DLGAP3: variants seen among roughly 807,000 people sequenced by gnomAD.
DLGAP3 encodes DLG associated protein 3.
A neutral mutation model predicts 81.2 loss-of-function variants in DLGAP3; 17 were observed. That is an observed-to-expected ratio of 0.21 (90% confidence interval 0.14 to 0.31). The LOEUF (loss-of-function observed/expected upper bound fraction) is 0.31, where lower values mean the gene tolerates loss of function less well. Among genes scored for constraint, DLGAP3 ranks in the 10% least tolerant of loss-of-function variants. The pLI, the probability that DLGAP3 is intolerant of heterozygous loss-of-function variation, is 1.00. For missense variants in DLGAP3, 1,124 were observed against 1,388.0 expected, an observed-to-expected ratio of 0.81 and a Z score of 3.02; for synonymous variants, 577 against 587.4, an observed-to-expected ratio of 0.98 and a Z score of 0.26.
rs1638894040 is a variant in DLGAP3 at position 34,867,018 on chromosome 1, C to T, written c.2721+30G>A. On this transcript the variant is annotated intron_variant, in intron 11 of 11. Transcript: ENST00000373347. The surrounding 1 kb of genome is among the most constrained non-coding windows in gnomAD (Gnocchi z 4.3). ...GGGAGGGGAATTTCCCAGAGTCTGG[C>T]CTCTTTGCCTGAAGGCACCCCAGCC... is the stretch of plus-strand genomic sequence containing the variant. 6.2e-7 allele frequency: 1 copy of T among 1,613,688 alleles called. No individual in the cohort carries two copies. The highest frequency in any genetic ancestry group is 1.3e-5 in the African/African-American group (1 of 74,926).
At chr1:34,889,532 C>T (rs1639283026) in intron 5 of DLGAP3, among the ~76,000 whole-genome samples, 1 of 152,222 alleles carries the variant, frequency 6.6e-6, no homozygotes, top group Admixed American at 6.5e-5. Flanking sequence ...CTTAGCCTTT[C>T]TCCAAACCAG....
intron 8 of DLGAP3, among the ~76,000 whole-genome samples, chr1:34,871,811 C>T (rs1010533775): frequency 3.6e-4 from 55 of 152,228 alleles, no homozygotes; most frequent in Non-Finnish European, 5.3e-4. Context: ...GCCATACTGC[C>T]GGGAACAGAA....
At chr1:34,924,970 A>G (rs1377029898) in intron 1 of DLGAP3, among the ~76,000 whole-genome samples, 1 of 152,134 alleles carries the variant, frequency 6.6e-6, no homozygotes, top group Non-Finnish European at 1.5e-5. Context: ...ACGAAGCCTC[A>G]TTCAGCACTC....
In DLGAP3 at chr1:34,867,031, A is replaced by C. The variant is rs775238658; in HGVS notation, c.2721+17T>G. ...CCCAGAGTCTGGCCTCTTTGCCTGA[A>C]GGCACCCCAGCCCCACCTTAGGCTC... On this transcript the variant is annotated intron_variant, in intron 11 of 11. Coordinates refer to ENST00000373347, the MANE Select transcript of DLGAP3 (RefSeq NM_001080418.3). The surrounding 1 kb of genome is among the most constrained non-coding windows in gnomAD (Gnocchi z 4.3). 8.1e-6 allele frequency: 13 copies of C among 1,613,958 alleles called. No homozygotes were observed. In the South Asian group the frequency reaches 1.3e-4, roughly 16 times the overall value.
chr1:34,901,689 G>T (rs4652867), intron 3 of DLGAP3, among the ~76,000 whole-genome samples: 38,233 of 152,108 alleles, frequency 0.25, 6,180 homozygotes, highest in East Asian at 0.78. Context: ...TGAAGATAGC[G>T]CTCAAGAGAT....
At position 34,904,360 on chromosome 1, in the gene DLGAP3, C is replaced by G; in HGVS notation, c.1024G>C (p.Asp342His). 1.2e-6 allele frequency: 2 copies of G among 1,613,124 alleles called. No homozygotes were observed. Among genetic ancestry groups the G allele is most frequent in the South Asian group, 1.1e-5 (1 of 91,084 alleles). ...CCTGGCCCGGCCCCCGGGTATCCATCCCGGCCCTGGCTGACCATCATGGTA... is the reference window on the plus strand; with the variant it reads ...CCTGGCCCGGCCCCCGGGTATCCATGCCGGCCCTGGCTGACCATCATGGTA... The part of the protein sequence containing the change: ...WHTMMVSQGR[D>H]GYPGAGPGKG... Residue 342 changes from aspartate (D) to histidine (H), a missense_variant, in exon 3 of 12, where the codon GAT (aspartate) becomes CAT (histidine). Coordinates refer to ENST00000373347, the MANE Select transcript of DLGAP3 (RefSeq NM_001080418.3). This position sits in a 1 kb window ranked among gnomAD's most constrained non-coding sequence, Gnocchi z 8.1.
chr1:34,884,732 G>A lies in DLGAP3; in HGVS notation c.2000+246C>T, dbSNP rs1639192330. 1.3e-5 allele frequency among the ~76,000 whole-genome samples: 2 copies of A among 152,162 alleles called. 1 individual carries two copies. The highest frequency in any genetic ancestry group is 4.1e-4 in the South Asian group (2 of 4,828). ...TCCTCTCCTTCCCTGCAACTGCTGT[G>A]TATCTCCCGTCTGCCTCTGAGCACC... On this transcript the variant is annotated intron_variant, in intron 8 of 11. Transcript: ENST00000373347.
intron 5 of DLGAP3, among the ~76,000 whole-genome samples, chr1:34,886,788 A>T (rs971088149): frequency 1.3e-5 from 2 of 150,994 alleles, no homozygotes; most frequent in Admixed American, 1.3e-4. Context: ...CACTACATAC[A>T]TGTACTATAT....
At chr1:34,887,398 C>T (rs1164435636) in intron 5 of DLGAP3, among the ~76,000 whole-genome samples, 3 of 144,564 alleles carry the variant, frequency 2.1e-5, no homozygotes, top group Admixed American at 7.1e-5. Flanking sequence ...GGTGCAGAAT[C>T]CATGGTGTTA....
In DLGAP3 at chr1:34,904,832, G is replaced by A; in HGVS notation, c.552C>T (p.Ser184=). 2 of 1,610,136 alleles carry A rather than the reference G, an allele frequency of 1.2e-6. No individual in the cohort carries two copies. The change falls in exon 3 of 12, where the codon TCC becomes TCT. Residue 184 remains serine, a synonymous_variant. Transcript: ENST00000373347. The surrounding 1 kb of genome is among the most constrained non-coding windows in gnomAD (Gnocchi z 8.1). ...GCTTCCCCGGCGCCTCCAGAGAGTG[G>A]GACTTGGCAAAGAGCTTCTGCACAG... ...VHSVQKLFAK[S]HSLEAPGKRD...
At chr1:34,879,772 G>A (rs1639118717) in intron 8 of DLGAP3, among the ~76,000 whole-genome samples, 1 of 152,126 alleles carries the variant, frequency 6.6e-6, no homozygotes, top group Admixed American at 6.5e-5. Flanking sequence ...TATTCAATAT[G>A]TACAATAAAA....
At chr1:34,910,035 G>A (rs1639615929) in intron 1 of DLGAP3, among the ~76,000 whole-genome samples, 2 of 152,174 alleles carry the variant, frequency 1.3e-5, no homozygotes, top group Admixed American at 1.3e-4. Context: ...CAAAGGGGTA[G>A]GAATTGCTAG....
At position 34,904,350 on chromosome 1, in the gene DLGAP3, G is replaced by T. The variant is rs146411302; in HGVS notation, c.1034C>A (p.Pro345Gln). ...GAGCCCCTTGCCTGGCCCGGCCCCC[G>T]GGTATCCATCCCGGCCCTGGCTGAC... Reference protein sequence around the residue: ...MMVSQGRDGYPGAGPGKGLLG... With the variant: ...MMVSQGRDGYQGAGPGKGLLG... The change falls in exon 3 of 12, where the codon CCG becomes CAG. Residue 345 changes from proline to glutamine, a missense_variant. Pro to Gln is a moderately conservative substitution (Grantham distance 76). Transcript: ENST00000373347. This position sits in a 1 kb window ranked among gnomAD's most constrained non-coding sequence, Gnocchi z 8.1. The T allele has an allele frequency of 6.2e-7, 1 of 1,612,688 alleles. No homozygotes were observed. Among genetic ancestry groups the T allele is most frequent in the Non-Finnish European group, 8.5e-7 (1 of 1,180,018 alleles).
At chr1:34,879,106 CG>C (rs986276716) in intron 8 of DLGAP3, among the ~76,000 whole-genome samples, 5 of 150,440 alleles carry the variant, frequency 3.3e-5, no homozygotes, top group Admixed American at 1.3e-4. Flanking sequence ...CCAGAAGCTG[CG>C]GGGGGGCATA....
intron 1 of DLGAP3, among the ~76,000 whole-genome samples, chr1:34,908,680 C>T (rs1639594788): frequency 6.6e-6 from 1 of 152,180 alleles, no homozygotes; most frequent in Non-Finnish European, 1.5e-5. Flanking sequence ...GGAAGAACTT[C>T]CTGACCCTGA....
intron 2 of DLGAP3, among the ~76,000 whole-genome samples, chr1:34,906,016 T>TATATATATATATATATATATATATA (rs1639546664): frequency 1.5e-5 from 1 of 64,814 alleles, no homozygotes; most frequent in Non-Finnish European, 3.4e-5. Flanking sequence ...GCCTCTAAAT[T>TATATATATATATATATATATATATA]TATATATATA....
chr1:34,897,351 A>T (rs1185660462), intron 5 of DLGAP3, among the ~76,000 whole-genome samples: 1 of 152,212 alleles, frequency 6.6e-6, no homozygotes, highest in East Asian at 1.9e-4. Context: ...GGAATAGGAA[A>T]TGTTGGAAAG....
intron 1 of DLGAP3, among the ~76,000 whole-genome samples, chr1:34,925,187 C>G (rs1360476710): frequency 2.0e-5 from 3 of 151,958 alleles, no homozygotes; most frequent in African/African-American, 7.3e-5. Flanking sequence ...CTGACAACCC[C>G]CCCCCCACCT....
At chr1:34,916,946 C>T in intron 1 of DLGAP3, among the ~76,000 whole-genome samples, 1 of 152,134 alleles carries the variant, frequency 6.6e-6, no homozygotes, top group East Asian at 1.9e-4. Flanking sequence ...GATCTGCCCG[C>T]CTCAGCTTCC....
Sources: allele counts gnomAD v4.1 joint callset (sites outside exome capture counted in the v4.1 genomes callset), GRCh38; gene constraint gnomAD v4.1.1; non-coding constraint Gnocchi (gnomAD v3.1); transcripts MANE v1.5; gene names NCBI Gene and HGNC (gene_info 2026-07-23, HGNC 2026-07-21).